NPTXR: variants seen among roughly 807,000 people sequenced by gnomAD.
NPTXR encodes the protein neuronal pentraxin receptor.
Under a neutral mutation model 32.2 loss-of-function variants are expected in NPTXR, and 12 were observed. That is an observed-to-expected ratio of 0.37 (90% CI 0.24 to 0.60). The LOEUF is 0.60. Ranked by LOEUF, NPTXR falls within the 20% of genes least tolerant of loss-of-function variation. The pLI is 0.66. For synonymous variants in NPTXR, 323 were observed against 315.8 expected (o/e 1.02, Z -0.24); for missense variants, 612 against 682.9 (o/e 0.90, Z 1.16).
At chr22:38,832,955 A>G (rs1210066102) in intron 1 of NPTXR, among the ~76,000 whole-genome samples, 2 of 152,214 alleles carry the variant, frequency 1.3e-5, no homozygotes, top group South Asian at 2.1e-4. Flanking sequence ...GGGTCCTGCC[A>G]GCGTGGGGTG....
intron 1 of NPTXR, among the ~76,000 whole-genome samples, chr22:38,832,199 G>A (rs936265035): frequency 3.5e-4 from 53 of 152,296 alleles, no homozygotes; most frequent in East Asian, 3.1e-3. Context: ...TCGCCGGATC[G>A]TGTGTGAGTC....
At chr22:38,832,420 G>A (rs1248083106) in intron 1 of NPTXR, among the ~76,000 whole-genome samples, 2 of 152,228 alleles carry the variant, frequency 1.3e-5, no homozygotes, top group South Asian at 2.1e-4. Context: ...GGCCTGTCCC[G>A]CTGGGAGTCC....
intron 4 of NPTXR, 39 bp from the exon 5 acceptor site, chr22:38,822,872 G>T: frequency 6.3e-7 from 1 of 1,578,854 alleles, no homozygotes; most frequent in South Asian, 1.1e-5. Flanking sequence ...GAGGCATGGA[G>T]TGAGGGAGCA....
Position 38,843,302 on chromosome 22 carries a change from G to A in NPTXR, c.557C>T (p.Ser186Leu). The A allele has an allele frequency of 7.0e-7, 1 of 1,436,546 alleles. No individual in the cohort carries two copies. The highest frequency in any genetic ancestry group is 9.1e-7 in the Non-Finnish European group (1 of 1,101,978). The allele number at this position is 1,436,546 out of a possible 1,614,324, so 89.0% of individuals were successfully genotyped here. Residue 186 changes from serine (S) to leucine (L), a missense_variant, in exon 1 of 5, where the codon TCG (serine) becomes TTG (leucine). Transcript: ENST00000333039. The surrounding 1 kb of genome is among the most constrained non-coding windows in gnomAD (Gnocchi z 5.3). ...CTCCAGCTCCAGAATGAGCGCAGGC[G>A]AGTCCCAGGGCCCGTCGGCCATGGT... is the stretch of plus-strand genomic sequence containing the variant.
intron 1 of NPTXR, among the ~76,000 whole-genome samples, chr22:38,831,190 T>G (rs2093115648): frequency 6.6e-6 from 1 of 152,206 alleles, no homozygotes; most frequent in South Asian, 2.1e-4. Flanking sequence ...GACAGGCGCT[T>G]GAGCCCTGGA....
rs750717348 is a variant in NPTXR, at chr22:38,826,655, C to T, written c.943G>A (p.Glu315Lys). Residue 315 changes from glutamate to lysine, a missense_variant, in exon 3 of 5, where the codon GAG becomes AAG. Glu to Lys is a moderately conservative substitution (Grantham distance 56). Transcript: ENST00000333039. ...ATGCAGGCGGTGAATGCGTAGAGCT[C>T]GGGCAGAGCCTTCCGCACGCGGGCG... 1.7e-5 allele frequency: 28 copies of T among 1,614,124 alleles called. 1 individual carries two copies. The South Asian group carries it at 2.7e-4, about 16-fold the overall frequency.
chr22:38,827,470 G>A (rs550202810), intron 2 of NPTXR, among the ~76,000 whole-genome samples: 1 of 152,006 alleles, frequency 6.6e-6, no homozygotes, highest in Admixed American at 6.6e-5. Flanking sequence ...CTGACCTCAG[G>A]TGATCCGCCC....
In NPTXR at chr22:38,843,177, C is replaced by T. The variant is rs1165718445; in HGVS notation, c.624+58G>A. The stretch of plus-strand genomic sequence containing the variant: ...AGGCTCGGGGACCGCCGGACGACCG[C>T]GGCCGGGCGGCCCCTCACACCACCC... On this transcript the variant is annotated intron_variant, in intron 1 of 4. Coordinates refer to ENST00000333039, the MANE Select transcript of NPTXR (RefSeq NM_014293.4). This position sits in a 1 kb window ranked among gnomAD's most constrained non-coding sequence, Gnocchi z 5.3. 9.5e-6 allele frequency: 12 copies of T among 1,257,660 alleles called. No homozygotes were observed. The highest frequency in any genetic ancestry group is 1.1e-5 in the Non-Finnish European group (11 of 1,001,510). The allele number at this position is 1,257,660 out of a possible 1,614,324, so 77.9% of individuals were successfully genotyped here.
rs796869361 is a variant in NPTXR at position 38,826,402 on chromosome 22, A to C, written c.1098+98T>G. 7.3e-6 allele frequency: 10 copies of C among 1,375,868 alleles called. No individual in the cohort carries two copies. The African/African-American group carries it at 1.4e-4, about 20-fold the overall frequency. The allele number at this position is 1,375,868 out of a possible 1,614,324, so 85.2% of individuals were successfully genotyped here. On this transcript the variant is annotated intron_variant, in intron 3 of 4. Transcript: ENST00000333039. ...TTAATGTGTGCTGAATATGCAGAGC[A>C]GGAGAATGAGCAGGAGAATGAAAGA...
At chr22:38,824,983 G>T (rs1240314704) in intron 3 of NPTXR, among the ~76,000 whole-genome samples, 3 of 152,224 alleles carry the variant, frequency 2.0e-5, no homozygotes, top group Non-Finnish European at 4.4e-5. Context: ...CTGGTCACAG[G>T]TGGGTACGAT....
rs1411942030 is a variant in NPTXR at position 38,843,253 on chromosome 22, G to C, written c.606C>G (p.Asp202Glu). The change falls in exon 1 of 5, where the codon GAC becomes GAG. Residue 202 changes from aspartate to glutamate, a missense_variant. By Grantham distance (45) the Asp-to-Glu change is conservative (BLOSUM62 2). Coordinates refer to ENST00000333039, the MANE Select transcript of NPTXR (RefSeq NM_014293.4). This position sits in a 1 kb window ranked among gnomAD's most constrained non-coding sequence, Gnocchi z 5.3. ...CGCTCACCTCCAGGCGGTCGATGCG[G>C]TCCCGCAGGGCGCGCACGGCGTCCT... 1.4e-6 allele frequency: 2 copies of C among 1,416,190 alleles called. No homozygotes were observed. The highest frequency in any genetic ancestry group is 1.8e-6 in the Non-Finnish European group (2 of 1,090,302). The allele number at this position is 1,416,190 out of a possible 1,614,324, so 87.7% of individuals were successfully genotyped here. A position where few individuals can be genotyped will look rare whatever the true frequency, so the allele number is the denominator to read the frequency against.
chr22:38,824,121 C>T (rs563856877), intron 3 of NPTXR, among the ~76,000 whole-genome samples: 5 of 149,810 alleles, frequency 3.3e-5, no homozygotes, highest in East Asian at 4.0e-4. Context: ...GGATTACAGG[C>T]GTGCACCACC....
intron 1 of NPTXR, among the ~76,000 whole-genome samples, chr22:38,836,332 T>C (rs2093123895): frequency 6.6e-6 from 1 of 152,202 alleles, no homozygotes; most frequent in Admixed American, 6.5e-5. Flanking sequence ...GCAGCCTTAT[T>C]TGTAAATCAG....
At chr22:38,831,131 G>C (rs968349866) in intron 1 of NPTXR, among the ~76,000 whole-genome samples, 1 of 152,230 alleles carries the variant, frequency 6.6e-6, no homozygotes, top group Non-Finnish European at 1.5e-5. Flanking sequence ...ACGGGAACAG[G>C]CTGGGCATGG....
At position 38,838,573 on chromosome 22, in the gene NPTXR, A is replaced by ACTTTTTTTTTTTTTTTTTTTT. The variant is rs200891254; in HGVS notation, c.624+4661_624+4662insAAAAAAAAAAAAAAAAAAAAG. On this transcript the variant is annotated intron_variant, in intron 1 of 4. Transcript: ENST00000333039. ...GCACAGGCACCGCCCTCACCTGGCT[A>ACTTTTTTTTTTTTTTTTTTTT]TTTTTTTTTTTTTTTTTTTTTTTTT... 2.4e-5 allele frequency among the ~76,000 whole-genome samples: 2 copies of ACTTTTTTTTTTTTTTTTTTTT among 83,190 alleles called. 1 individual carries two copies. 54.6% of individuals were successfully genotyped at this position (83,190 alleles called of 152,430 possible).
Position 38,843,565 on chromosome 22 carries a change from C to G in NPTXR, c.294G>C (p.Pro98=), listed in dbSNP as rs867634449. 23 of 1,228,956 alleles carry G rather than the reference C, an allele frequency of 1.9e-5. No homozygotes were observed. In the Middle Eastern group the frequency reaches 1.9e-3, roughly 101 times the overall value. The allele number at this position is 1,228,956 out of a possible 1,614,324, so 76.1% of individuals were successfully genotyped here. A position where few individuals can be genotyped will look rare whatever the true frequency, so the allele number is the denominator to read the frequency against. The change falls in exon 1 of 5, where the codon CCG becomes CCC. Residue 98 remains proline (P), a synonymous_variant. Coordinates refer to ENST00000333039, the MANE Select transcript of NPTXR (RefSeq NM_014293.4). This position sits in a 1 kb window ranked among gnomAD's most constrained non-coding sequence, Gnocchi z 5.3. ...CCCCCGACGGGCAGGCAGCAGCCAGCGGCGTGCACAGGAAGCGGCTGAACA... is the reference window on the plus strand; with the variant it reads ...CCCCCGACGGGCAGGCAGCAGCCAGGGGCGTGCACAGGAAGCGGCTGAACA...
chr22:38,822,590 C>G lies in NPTXR; in HGVS notation c.*19G>C. 3 of 1,574,570 alleles carry G rather than the reference C, an allele frequency of 1.9e-6. No homozygotes were observed. Among genetic ancestry groups the G allele is most frequent in the South Asian group, 2.3e-5 (2 of 86,088 alleles). On this transcript the variant is annotated 3_prime_UTR_variant, in exon 5 of 5. Transcript: ENST00000333039. ...CCCAAAGTGGCAGGCAAGGGAGGGGCCCTGGATGAGGTGGCCCCTCATGCC... is the reference window on the plus strand; with the variant it reads ...CCCAAAGTGGCAGGCAAGGGAGGGGGCCTGGATGAGGTGGCCCCTCATGCC...
intron 1 of NPTXR, among the ~76,000 whole-genome samples, chr22:38,837,201 G>A (rs1463655701): frequency 6.6e-6 from 1 of 152,220 alleles, no homozygotes; most frequent in East Asian, 1.9e-4. Context: ...ACTCTCAAGT[G>A]ACAGAGCTGG....
chr22:38,831,860 C>T (rs1345298641), intron 1 of NPTXR, among the ~76,000 whole-genome samples: 4 of 152,124 alleles, frequency 2.6e-5, no homozygotes, highest in Admixed American at 6.6e-5. Flanking sequence ...CGCAGCTGCT[C>T]GCTGAGGCTG....
Sources: gnomAD v4.1 joint callset for allele counts (sites outside exome capture counted in the v4.1 genomes callset) on GRCh38, gnomAD v4.1.1 for gene constraint, Gnocchi (gnomAD v3.1) non-coding constraint, MANE v1.5 for transcripts, NCBI Gene and HGNC (gene_info 2026-07-23, HGNC 2026-07-21) for gene names.